SCFD2: variants seen among roughly 807,000 people sequenced by gnomAD.
The protein encoded by SCFD2 is sec1 family domain containing 2, also known as sec1 family domain-containing protein 2.
SCFD2 carries 54 observed loss-of-function variants against 58.9 expected under a neutral mutation model. That is an observed-to-expected ratio of 0.92 (90% CI 0.74 to 1.15). The LOEUF (loss-of-function observed/expected upper bound fraction) is 1.15. Ranked by LOEUF, SCFD2 falls within the 50% of genes most tolerant of loss-of-function variation. SCFD2 has a pLI of 0.00. For missense variants in SCFD2, 805 were observed against 836.6 expected (o/e 0.96, Z 0.47); for synonymous variants, 321 against 335.9 (o/e 0.96, Z 0.49).
At chr4:53,350,920 T>C (rs911875928) in intron 2 of SCFD2, among the ~76,000 whole-genome samples, 3 of 152,078 alleles carry the variant, frequency 2.0e-5, no homozygotes, top group African/African-American at 7.2e-5. Context: ...ACGTTGGCCA[T>C]GTTGGTCTCA....
chr4:53,287,186 G>C (rs1377877176), intron 3 of SCFD2, among the ~76,000 whole-genome samples: 2 of 152,084 alleles, frequency 1.3e-5, no homozygotes, highest in African/African-American at 4.8e-5. Context: ...TTCAGTTAGT[G>C]AACCTGTGCC....
intron 8 of SCFD2, among the ~76,000 whole-genome samples, chr4:52,885,407 C>T (rs1444438435): frequency 6.6e-6 from 1 of 152,188 alleles, no homozygotes; most frequent in East Asian, 1.9e-4. Flanking sequence ...CTTCACCCCA[C>T]CGGACTCCAC....
intron 5 of SCFD2, among the ~76,000 whole-genome samples, chr4:53,067,557 G>C (rs62338969): frequency 3.3e-5 from 5 of 151,946 alleles, no homozygotes; most frequent in Admixed American, 3.3e-4. Context: ...TGCCCATGTT[G>C]TTCTTGTGGA....
At chr4:52,975,587 A>G (rs1487438209) in intron 5 of SCFD2, among the ~76,000 whole-genome samples, 3 of 152,222 alleles carry the variant, frequency 2.0e-5, no homozygotes, top group Non-Finnish European at 2.9e-5. Context: ...ACGGTAAACT[A>G]GTTCAACCAT....
chr4:53,036,700 T>G (rs1722770072), intron 5 of SCFD2, among the ~76,000 whole-genome samples: 1 of 151,532 alleles, frequency 6.6e-6, no homozygotes, highest in Admixed American at 6.6e-5. Flanking sequence ...TCAGGGGGTG[T>G]GGGGCTAGGG....
chr4:53,087,450 CA>C (rs1724339446), intron 5 of SCFD2, among the ~76,000 whole-genome samples: 1 of 152,278 alleles, frequency 6.6e-6, no homozygotes, highest in African/African-American at 2.4e-5. Flanking sequence ...TCTCCTGCCT[CA>C]GCCTCCCAAG....
intron 5 of SCFD2, among the ~76,000 whole-genome samples, chr4:53,029,383 C>G (rs1437139574): frequency 6.6e-6 from 1 of 152,194 alleles, no homozygotes; most frequent in Non-Finnish European, 1.5e-5. Context: ...TTCTGGTAAA[C>G]AGGTGGTCAG....
intron 4 of SCFD2, among the ~76,000 whole-genome samples, chr4:53,164,858 A>G (rs1726962461): frequency 6.6e-6 from 1 of 152,034 alleles, no homozygotes; most frequent in Non-Finnish European, 1.5e-5. Context: ...CTTAGGAGAA[A>G]CTTTAAGACC....
intron 4 of SCFD2, among the ~76,000 whole-genome samples, chr4:53,170,226 T>C (rs62325035): frequency 0.066 from 10,035 of 152,218 alleles, 362 homozygotes; most frequent in Middle Eastern, 0.12. Context: ...TATACAAAAC[T>C]GTTCAGTTTC....
At chr4:52,914,996 G>A (rs1719569514) in intron 6 of SCFD2, among the ~76,000 whole-genome samples, 1 of 152,146 alleles carries the variant, frequency 6.6e-6, no homozygotes, top group Non-Finnish European at 1.5e-5. Context: ...AAAATACTGT[G>A]TCAATGTCTC....
intron 5 of SCFD2, among the ~76,000 whole-genome samples, chr4:53,141,643 T>G (rs1432672484): frequency 3.4e-5 from 1 of 29,556 alleles, no homozygotes; most frequent in African/African-American, 9.7e-5. Flanking sequence ...GGAGTCAAAT[T>G]TGAAAAAAAA....
At chr4:53,248,458 C>A (rs1219529138) in intron 4 of SCFD2, among the ~76,000 whole-genome samples, 3 of 152,216 alleles carry the variant, frequency 2.0e-5, no homozygotes, top group Non-Finnish European at 4.4e-5. Context: ...GTAGGCTCCA[C>A]CTCTAGGGGC....
chr4:53,281,201 C>T (rs1731498147), intron 3 of SCFD2, among the ~76,000 whole-genome samples: 2 of 152,204 alleles, frequency 1.3e-5, no homozygotes, highest in African/African-American at 4.8e-5. Flanking sequence ...TCTATATATG[C>T]TGTAACATTG....
chr4:53,306,477 A>G (rs1488703920), intron 3 of SCFD2, among the ~76,000 whole-genome samples: 1 of 152,202 alleles, frequency 6.6e-6, no homozygotes, highest in Non-Finnish European at 1.5e-5. Flanking sequence ...GAAATTTGTA[A>G]ATAGAAATAA....
intron 4 of SCFD2, among the ~76,000 whole-genome samples, chr4:53,226,396 T>G (rs1440938355): frequency 1.3e-5 from 2 of 152,126 alleles, no homozygotes; most frequent in African/African-American, 4.8e-5. Flanking sequence ...TGATGTATAA[T>G]TGATATATAT....
At chr4:52,965,892 T>C (rs1720951872) in intron 5 of SCFD2, among the ~76,000 whole-genome samples, 1 of 152,230 alleles carries the variant, frequency 6.6e-6, no homozygotes, top group South Asian at 2.1e-4. Flanking sequence ...CTGCAAATAA[T>C]ACTCTATGCT....
chr4:52,926,065 A>G (rs988844906), intron 5 of SCFD2, among the ~76,000 whole-genome samples: 6 of 152,124 alleles, frequency 3.9e-5, no homozygotes, highest in African/African-American at 1.4e-4. Context: ...CGCAGGGAGC[A>G]CAGTGTGGGT....
At chr4:52,992,927 G>A (rs1721653811) in intron 5 of SCFD2, among the ~76,000 whole-genome samples, 1 of 152,162 alleles carries the variant, frequency 6.6e-6, no homozygotes, top group Non-Finnish European at 1.5e-5. Flanking sequence ...GGGCCATGAT[G>A]ACGATGGCGG....
intron 4 of SCFD2, among the ~76,000 whole-genome samples, chr4:53,241,942 A>T (rs1729907230): frequency 6.6e-6 from 1 of 152,236 alleles, no homozygotes; most frequent in African/African-American, 2.4e-5. Context: ...CAGAGGACAT[A>T]CAAAGTCCTA....
Sources: allele counts gnomAD v4.1 joint callset (sites outside exome capture counted in the v4.1 genomes callset), GRCh38; gene constraint gnomAD v4.1.1; transcripts MANE v1.5; gene names NCBI Gene and HGNC (gene_info 2026-07-23, HGNC 2026-07-21).